The following FLYWCH1 variants were observed in gnomAD, a reference collection of about 807,000 sequenced individuals.
FLYWCH1 encodes FLYWCH-type zinc finger 1.
A neutral mutation model predicts 66.4 loss-of-function variants in FLYWCH1; 75 were observed. The observed-to-expected ratio is 1.13, with a 90% confidence interval of 0.94 to 1.37. The LOEUF is 1.37. FLYWCH1 is among the 40% of genes most tolerant of loss of function. The pLI, the probability that FLYWCH1 is intolerant of heterozygous loss-of-function variation, is 0.00. For synonymous variants in FLYWCH1, 595 were observed against 429.9 expected (o/e 1.38, Z -4.75); for missense variants, 1,334 against 1,001.8 (o/e 1.33, Z -4.48).
intron 9 of FLYWCH1, chr16:2,943,350 C>G (rs1243816085): frequency 6.6e-6 from 1 of 151,904 alleles, no homozygotes; most frequent in Non-Finnish European, 1.5e-5. Flanking sequence ...GCCCTCACCC[C>G]AAATGCATCT....
chr16:2,937,012 C>A, intron 6 of FLYWCH1, 109 bp from the exon 7 acceptor site: 1 of 1,309,800 alleles, frequency 7.6e-7, no homozygotes, highest in Non-Finnish European at 1.0e-6. Context: ...GGGGCCACCT[C>A]ACTGTGAGGA....
In FLYWCH1 at chr16:2,937,290, C is replaced by T; in HGVS notation, c.1683C>T (p.Val561=). The T allele has an allele frequency of 6.2e-7, 1 of 1,604,114 alleles. No homozygotes were observed. The highest frequency in any genetic ancestry group is 1.3e-5 in the African/African-American group (1 of 74,860). Reference sequence around the variant, plus strand: ...TCACCCAGGGCCGGCGGGTCATGGTCATGCGCAGGCACTGCCACCCACCGG... The same window carrying T: ...TCACCCAGGGCCGGCGGGTCATGGTTATGCGCAGGCACTGCCACCCACCGG... The part of the protein sequence containing the change: ...RAITQGRRVM[V]MRRHCHPPDL... The change falls in exon 7 of 10, where the codon GTC becomes GTT. Residue 561 remains valine, a synonymous_variant. Coordinates refer to ENST00000253928, the MANE Select transcript of FLYWCH1 (RefSeq NM_001308068.2).
chr16:2,924,343 A>G (rs946742137), intron 2 of FLYWCH1, among the ~76,000 whole-genome samples: 21 of 152,124 alleles, frequency 1.4e-4, no homozygotes, highest in African/African-American at 5.1e-4. Context: ...AAAAAAAAAA[A>G]AAGTAAAAAG....
In FLYWCH1 at chr16:2,933,958, A is replaced by C. The variant is rs1401141075; in HGVS notation, c.1492A>C (p.Thr498Pro). The C allele has an allele frequency of 3.2e-6, 5 of 1,550,858 alleles. No homozygotes were observed. Among genetic ancestry groups the C allele is most frequent in the Non-Finnish European group, 3.5e-6 (4 of 1,147,590 alleles). The change falls in exon 6 of 10, where the codon ACG (threonine) becomes CCG (proline). Residue 498 changes from threonine to proline, a missense_variant. Thr to Pro is a conservative substitution (Grantham distance 38, BLOSUM62 -1). Coordinates refer to ENST00000253928, the MANE Select transcript of FLYWCH1 (RefSeq NM_001308068.2). The part of the protein sequence containing the change: ...ALRQREKRPN[T>P]AQRGSPGGPE... ...GAGGCAGCGGGAGAAACGCCCCAAC[A>C]CGGCGCAGCGGGGGAGCCCAGGTAC... is the stretch of plus-strand genomic sequence containing the variant.
rs368887185 is a variant in FLYWCH1 at position 2,933,103 on chromosome 16, A to G, written c.797-27A>G. 2.0e-4 allele frequency: 315 copies of G among 1,596,930 alleles called. 1 individual carries two copies. Among genetic ancestry groups the G allele is most frequent in the Non-Finnish European group, 2.6e-4 (308 of 1,169,490 alleles). ...CCTGGGCTCCTCTCCACCCCTGGTG[A>G]TGTGACCACTTGGGTCTCTCCTCTA... On this transcript the variant is annotated intron_variant, in intron 4 of 9. Transcript: ENST00000253928.
chr16:2,923,864 C>T (rs1036065689), intron 2 of FLYWCH1, among the ~76,000 whole-genome samples: 1 of 152,006 alleles, frequency 6.6e-6, no homozygotes, highest in Non-Finnish European at 1.5e-5. Context: ...ATGGTGAAAC[C>T]CCATCTCTAC....
At chr16:2,936,702 G>C (rs1427320180) in intron 6 of FLYWCH1, 1 of 467,128 alleles carries the variant, frequency 2.1e-6, no homozygotes, top group South Asian at 1.5e-5. Flanking sequence ...TACCTGCGCG[G>C]CTCTCGGGGG....
intron 6 of FLYWCH1, chr16:2,936,731 T>C (rs2071018882): frequency 2.1e-6 from 1 of 476,658 alleles, no homozygotes. Flanking sequence ...CTCAGCCCCA[T>C]CCGGCTCCTG....
In FLYWCH1 at chr16:2,930,621, A is replaced by G. The variant is rs1403360312; in HGVS notation, c.537A>G (p.Gln179=). The change falls in exon 4 of 10, where the codon CAA becomes CAG. Residue 179 remains glutamine, a synonymous_variant. Coordinates refer to ENST00000253928, the MANE Select transcript of FLYWCH1 (RefSeq NM_001308068.2). ...MRGHCHAPDE[Q]GLEARRQREK... ...GCCACTGCCACGCGCCCGATGAGCA[A>G]GGCCTGGAGGCCCGGCGCCAGAGGG... The G allele has an allele frequency of 8.4e-6, 13 of 1,550,208 alleles. No homozygotes were observed. Among genetic ancestry groups the G allele is most frequent in the Admixed American group, 2.0e-5 (1 of 50,978 alleles).
rs1012491888 is a variant in FLYWCH1, at chr16:2,927,804, GA to G, written c.-73-1806del. 9.9e-5 allele frequency among the ~76,000 whole-genome samples: 15 copies of G among 152,266 alleles called. No homozygotes were observed. The East Asian group carries it at 2.7e-3, about 27-fold the overall frequency. The stretch of plus-strand genomic sequence containing the variant: ...TCAGGTGGAGATGAGACTGATAAAA[GA>G]AATAAGACACAGAGACAAAGTATAT... On this transcript the variant is annotated intron_variant, in intron 2 of 9. Transcript: ENST00000253928.
chr16:2,941,884 G>T (rs28809003), intron 9 of FLYWCH1, among the ~76,000 whole-genome samples: 3 of 150,256 alleles, frequency 2.0e-5, no homozygotes, highest in East Asian at 2.0e-4. Context: ...AGCCAGGCGT[G>T]GTGGTGGGAG....
Position 2,930,401 on chromosome 16 carries a change from T to C in FLYWCH1, c.326-9T>C. On this transcript the variant is annotated splice_polypyrimidine_tract_variant and intron_variant, in intron 3 of 9. Coordinates refer to ENST00000253928, the MANE Select transcript of FLYWCH1 (RefSeq NM_001308068.2). ...TAGCTTAGCTAACCTAGCCTTCCCG[T>C]TCCCCCAGCAGCCCCTCAGTCCCTG... The C allele has an allele frequency of 6.9e-7, 1 of 1,439,316 alleles. No homozygotes were observed. The highest frequency in any genetic ancestry group is 9.2e-7 in the Non-Finnish European group (1 of 1,090,958). The allele number at this position is 1,439,316 out of a possible 1,614,324, so 89.2% of individuals were successfully genotyped here.
At chr16:2,928,742 C>T (rs1227259249) in intron 2 of FLYWCH1, 1 of 152,384 alleles carries the variant, frequency 6.6e-6, no homozygotes, top group Non-Finnish European at 1.5e-5. Context: ...CCACCCCACA[C>T]CATGACTGCC....
chr16:2,929,254 C>G (rs112687060), intron 2 of FLYWCH1, among the ~76,000 whole-genome samples: 1 of 152,176 alleles, frequency 6.6e-6, no homozygotes, highest in Non-Finnish European at 1.5e-5. Context: ...TCAATAAGAA[C>G]GTTCTGCCGT....
At chr16:2,928,324 G>A (rs546297213) in intron 2 of FLYWCH1, among the ~76,000 whole-genome samples, 6 of 152,290 alleles carry the variant, frequency 3.9e-5, no homozygotes, top group Admixed American at 1.3e-4. Flanking sequence ...TGTCAGGCTG[G>A]GGGATGGTAA....
intron 2 of FLYWCH1, among the ~76,000 whole-genome samples, chr16:2,928,127 C>T (rs1207364123): frequency 1.3e-5 from 2 of 152,228 alleles, no homozygotes; most frequent in East Asian, 1.9e-4. Flanking sequence ...AGCAGTATTG[C>T]TGCCAGCGTA....
intron 9 of FLYWCH1, among the ~76,000 whole-genome samples, chr16:2,941,656 C>T (rs541868677): frequency 1.3e-3 from 204 of 151,912 alleles, no homozygotes; most frequent in African/African-American, 4.7e-3. Flanking sequence ...GTGGGAGGAT[C>T]GCTTGAGCCC....
In FLYWCH1 at chr16:2,937,260, C is replaced by A. The variant is rs111452933; in HGVS notation, c.1653C>A (p.Arg551=). Reference sequence around the variant, plus strand: ...AGGCCCGCATGGGCTGCCGCAGCCGCGCCATCACCCAGGGCCGGCGGGTCA... The same window carrying A: ...AGGCCCGCATGGGCTGCCGCAGCCGAGCCATCACCCAGGGCCGGCGGGTCA... ...RDQARMGCRS[R]AITQGRRVMV... Residue 551 remains arginine, a synonymous_variant, in exon 7 of 10, where the codon CGC becomes CGA. Transcript: ENST00000253928. 3 of 1,606,786 alleles carry A rather than the reference C, an allele frequency of 1.9e-6. No homozygotes were observed. The South Asian group carries it at 3.3e-5, about 18-fold the overall frequency.
chr16:2,929,146 C>T (rs976624290), intron 2 of FLYWCH1, among the ~76,000 whole-genome samples: 2 of 152,202 alleles, frequency 1.3e-5, no homozygotes, highest in African/African-American at 4.8e-5. Flanking sequence ...CTGACAAGTC[C>T]CTGGGCATCT....
Sources: allele counts gnomAD v4.1 joint callset (sites outside exome capture counted in the v4.1 genomes callset), GRCh38; gene constraint gnomAD v4.1.1; transcripts MANE v1.5; gene names NCBI Gene and HGNC (gene_info 2026-07-23, HGNC 2026-07-21).